ACSL1: variants seen among roughly 807,000 people sequenced by gnomAD.
ACSL1 encodes long-chain-fatty-acid--CoA ligase 1.
ACSL1 carries 41 observed loss-of-function variants against 98.4 expected under a neutral mutation model. The ratio of observed to expected loss-of-function variants is 0.42; its 90% CI spans 0.32 to 0.54. ACSL1 has a LOEUF of 0.54. Ranked by LOEUF, ACSL1 falls within the 20% of genes least tolerant of loss-of-function variation. The pLI, the probability that ACSL1 is intolerant of heterozygous loss-of-function variation, is 0.13. For synonymous variants in ACSL1, 316 were observed against 322.7 expected, an observed-to-expected ratio of 0.98 and a Z score of 0.22; for missense variants, 734 against 883.1, an observed-to-expected ratio of 0.83 and a Z score of 2.14.
rs1763591169 is a variant in ACSL1 at position 184,766,234 on chromosome 4, G to A, written c.1264-248C>T. ...CCACCTCTGCAGAAGCTATTTCAGGGAATTAGAACACAACTGGGCAGATCT... is the reference window on the plus strand; with the variant it reads ...CCACCTCTGCAGAAGCTATTTCAGGAAATTAGAACACAACTGGGCAGATCT... On this transcript the variant is annotated intron_variant, in intron 13 of 20. Coordinates refer to ENST00000281455, the MANE Select transcript of ACSL1 (RefSeq NM_001995.5). The surrounding 1 kb of genome is among the most constrained non-coding windows in gnomAD (Gnocchi z 4.8). Among the ~76,000 whole-genome samples, 3 of 152,190 alleles carry A rather than the reference G, an allele frequency of 2.0e-5. No homozygotes were observed. Among genetic ancestry groups the A allele is most frequent in the South Asian group, 2.1e-4 (1 of 4,830 alleles).
At chr4:184,782,846 A>G (rs1384890236) in intron 4 of ACSL1, among the ~76,000 whole-genome samples, 1 of 152,116 alleles carries the variant, frequency 6.6e-6, no homozygotes, top group African/African-American at 2.4e-5. Context: ...GAAATCATGC[A>G]CTTCAGTCTG....
At chr4:184,777,872 G>A (rs1172640478) in intron 5 of ACSL1, among the ~76,000 whole-genome samples, 1 of 152,178 alleles carries the variant, frequency 6.6e-6, no homozygotes, top group Non-Finnish European at 1.5e-5. Flanking sequence ...AGAGCGATCT[G>A]ACTGGCACAG....
chr4:184,798,405 A>G (rs891458465), intron 2 of ACSL1: 7 of 152,414 alleles, frequency 4.6e-5, no homozygotes, highest in Non-Finnish European at 8.8e-5. Flanking sequence ...GTTGTCAAAA[A>G]TCTTTCCGAA....
Position 184,773,578 on chromosome 4 carries a change from T to G in ACSL1, c.841+85A>C. 1 of 1,308,804 alleles carries G rather than the reference T, an allele frequency of 7.6e-7. No individual in the cohort carries two copies. Among genetic ancestry groups the G allele is most frequent in the Non-Finnish European group, 1.1e-6 (1 of 942,694 alleles). The allele number at this position is 1,308,804 out of a possible 1,614,324, so 81.1% of individuals were successfully genotyped here. On this transcript the variant is annotated intron_variant, in intron 9 of 20. Coordinates refer to ENST00000281455, the MANE Select transcript of ACSL1 (RefSeq NM_001995.5). The surrounding 1 kb of genome is among the most constrained non-coding windows in gnomAD (Gnocchi z 4.3). Reference sequence around the variant, plus strand: ...CTTCTGCTTTTGGTCCGTCTACTGTTAGCTGATAAGTCATCCAAAAGAGGT... The same window carrying G: ...CTTCTGCTTTTGGTCCGTCTACTGTGAGCTGATAAGTCATCCAAAAGAGGT...
At chr4:184,777,451 C>CTGTA (rs1554018963) in intron 5 of ACSL1, among the ~76,000 whole-genome samples, 1 of 135,600 alleles carries the variant, frequency 7.4e-6, no homozygotes, top group South Asian at 2.7e-4. Context: ...GAGTGAGATC[C>CTGTA]TGTATGTATG....
chr4:184,757,879 T>C lies in ACSL1; in HGVS notation c.1824A>G (p.Leu608=), dbSNP rs1188667788. 2 of 1,614,198 alleles carry C rather than the reference T, an allele frequency of 1.2e-6. No individual in the cohort carries two copies. Among genetic ancestry groups the C allele is most frequent in the East Asian group, 2.2e-5 (1 of 44,880 alleles). Residue 608 remains leucine (L), a synonymous_variant, in exon 19 of 21, where the codon TTA becomes TTG. Transcript: ENST00000281455. This position sits in a 1 kb window ranked among gnomAD's most constrained non-coding sequence, Gnocchi z 4.5. ...ATCCTCTCTTTTGGGCCCAGGAACA[T>C]AATGTCTCAACATCTGGTACCACAA... The part of the protein sequence containing the change: ...IAIVVPDVET[L]CSWAQKRGFE...
chr4:184,815,414 G>A (rs1772538535), intron 1 of ACSL1, among the ~76,000 whole-genome samples: 2 of 152,186 alleles, frequency 1.3e-5, no homozygotes, highest in South Asian at 4.1e-4. Context: ...AGAAACAGCT[G>A]GCTAAAGGAG....
At chr4:184,799,557 C>T (rs890852523) in intron 2 of ACSL1, among the ~76,000 whole-genome samples, 1 of 152,144 alleles carries the variant, frequency 6.6e-6, no homozygotes, top group Non-Finnish European at 1.5e-5. Flanking sequence ...TTCAAAAGAT[C>T]CTGCTCTAGG....
At position 184,760,485 on chromosome 4, in the gene ACSL1, T is replaced by C; in HGVS notation, c.1654A>G (p.Ile552Val). 1 of 1,614,126 alleles carries C rather than the reference T, an allele frequency of 6.2e-7. No homozygotes were observed. Among genetic ancestry groups the C allele is most frequent in the Non-Finnish European group, 8.5e-7 (1 of 1,180,004 alleles). Reference sequence around the variant, plus strand: ...AATATGTGCTTTTTCCGGTCGATAATTTTCAAGGTGCCATTCTGTTGATCA... The same window carrying C: ...AATATGTGCTTTTTCCGGTCGATAACTTTCAAGGTGCCATTCTGTTGATCA... ...GKWLPNGTLK[I>V]IDRKKHIFKL... The change falls in exon 18 of 21, where the codon ATT becomes GTT. Residue 552 changes from isoleucine to valine, a missense_variant. Physicochemically the swap from Ile to Val is conservative, Grantham distance 29. Coordinates refer to ENST00000281455, the MANE Select transcript of ACSL1 (RefSeq NM_001995.5).
chr4:184,804,444 G>A (rs1771068073), intron 1 of ACSL1, among the ~76,000 whole-genome samples: 1 of 152,148 alleles, frequency 6.6e-6, no homozygotes. Context: ...GCCAGGTGTG[G>A]TGGTGGACAC....
At chr4:184,784,025 A>G in intron 3 of ACSL1, 34 bp from the exon 4 acceptor site, 1 of 1,542,080 alleles carries the variant, frequency 6.5e-7, no homozygotes, top group Non-Finnish European at 9.0e-7. Flanking sequence ...GATGGGCTGA[A>G]CGTACATAAA....
chr4:184,762,591 A>G (rs1763011179), intron 16 of ACSL1, 68 bp from the exon 17 acceptor site: 1 of 1,374,846 alleles, frequency 7.3e-7, no homozygotes, highest in Middle Eastern at 1.8e-4. Context: ...TGGTGTGTGC[A>G]TGTGTGTACG....
rs373374909 is a variant in ACSL1, at chr4:184,788,595, G to A, written c.310+22C>T. Reference sequence around the variant, plus strand: ...ATGAAACACGGCGAGCGGGAGCCACGCAAATGCAGGAAAATGCTTACTTGA... The same window carrying A: ...ATGAAACACGGCGAGCGGGAGCCACACAAATGCAGGAAAATGCTTACTTGA... On this transcript the variant is annotated intron_variant, in intron 3 of 20. Transcript: ENST00000281455. 1,359 of 1,584,308 alleles carry A rather than the reference G, an allele frequency of 8.6e-4. 4 individuals carry two copies. The highest frequency in any genetic ancestry group is 1.1e-3 in the Non-Finnish European group (1,229 of 1,153,608).
rs139387064 is a variant in ACSL1 at position 184,774,623 on chromosome 4, A to G, written c.757-748T>C. ...GGGCAGTCTTGGTGGCCACTTTAAT[A>G]TCTATTAATTTTAACAAATGAACTA... On this transcript the variant is annotated intron_variant, in intron 7 of 20. Transcript: ENST00000281455. Among the ~76,000 whole-genome samples, 97 of 152,298 alleles carry G rather than the reference A, an allele frequency of 6.4e-4. 2 individuals are homozygous for G. The East Asian group carries it at 0.017, about 26-fold the overall frequency.
At chr4:184,789,480 T>C (rs1767971996) in intron 2 of ACSL1, among the ~76,000 whole-genome samples, 1 of 152,256 alleles carries the variant, frequency 6.6e-6, no homozygotes, top group Non-Finnish European at 1.5e-5. Context: ...CGCAATATCA[T>C]CTGTTAGAAA....
At chr4:184,808,963 G>A (rs1771760530) in intron 1 of ACSL1, among the ~76,000 whole-genome samples, 1 of 152,124 alleles carries the variant, frequency 6.6e-6, no homozygotes, top group Non-Finnish European at 1.5e-5. Context: ...GGTAACTTTG[G>A]GATCCCATAA....
chr4:184,815,126 G>A (rs1483404686), intron 1 of ACSL1: 1 of 456,014 alleles, frequency 2.2e-6, no homozygotes, highest in South Asian at 1.5e-5. Context: ...CAGGAATCTA[G>A]GGGAGGGAGA....
chr4:184,781,201 A>G (rs1338807645), intron 4 of ACSL1, among the ~76,000 whole-genome samples: 1 of 132,550 alleles, frequency 7.5e-6, no homozygotes, highest in Admixed American at 9.3e-5. Context: ...ACCGCACTCC[A>G]GCCTGGGTGA....
intron 2 of ACSL1, among the ~76,000 whole-genome samples, chr4:184,802,579 C>A (rs1236673532): frequency 6.6e-6 from 1 of 152,080 alleles, no homozygotes; most frequent in East Asian, 1.9e-4. Context: ...CTTCTCCACA[C>A]CCTGCCTTTC....
Sources: allele counts gnomAD v4.1 joint callset (sites outside exome capture counted in the v4.1 genomes callset), GRCh38; gene constraint gnomAD v4.1.1; non-coding constraint Gnocchi (gnomAD v3.1); transcripts MANE v1.5; gene names NCBI Gene and HGNC (gene_info 2026-07-23, HGNC 2026-07-21).